Variants in RPA3 observed in about 807,000 individuals in gnomAD.
RPA3 encodes the protein replication protein A 14 kDa subunit.
In RPA3, 24 loss-of-function variants were observed where a neutral mutation model predicts 13.7. That is an observed-to-expected ratio of 1.75 (90% CI 1.27 to 2.46). The LOEUF is 2.46. Ranked by LOEUF, RPA3 falls within the 30% of genes most tolerant of loss-of-function variation. The pLI, the probability that RPA3 is intolerant of heterozygous loss-of-function variation, is 0.00. For missense variants in RPA3, 183 were observed against 151.0 expected, an observed-to-expected ratio of 1.21 and a Z score of -1.11; for synonymous variants, 59 against 51.2, an observed-to-expected ratio of 1.15 and a Z score of -0.65.
chr7:7,704,194 A>G (rs1337891154), intron 2 of RPA3, among the ~76,000 whole-genome samples: 2 of 152,164 alleles, frequency 1.3e-5, no homozygotes, highest in Non-Finnish European at 2.9e-5. Flanking sequence ...GCTAGAAATT[A>G]AGGATATTTG....
intron 2 of RPA3, among the ~76,000 whole-genome samples, chr7:7,698,340 T>C (rs1406430432): frequency 6.6e-6 from 1 of 152,222 alleles, no homozygotes; most frequent in East Asian, 1.9e-4. Flanking sequence ...ATAAGGTTTA[T>C]ATAATGGTGC....
chr7:7,714,896 C>T (rs1226967812), intron 2 of RPA3, among the ~76,000 whole-genome samples: 5 of 145,682 alleles, frequency 3.4e-5, no homozygotes, highest in African/African-American at 1.3e-4. Flanking sequence ...ACTTGCAGAC[C>T]TGTTGTACCA....
chr7:7,684,703 G>A (rs945155636), intron 4 of RPA3, among the ~76,000 whole-genome samples: 2 of 152,124 alleles, frequency 1.3e-5, no homozygotes, highest in Non-Finnish European at 2.9e-5. Flanking sequence ...GACTCTTTCT[G>A]GCTTTAGCCA....
intron 4 of RPA3, among the ~76,000 whole-genome samples, chr7:7,678,581 T>TATATATTTATATACTTAATTTATAGATAA (rs1450814728): frequency 3.7e-5 from 5 of 136,596 alleles, no homozygotes; most frequent in African/African-American, 1.1e-4. Flanking sequence ...TATAGATAAA[T>TATATATTTATATACTTAATTTATAGATAA]ATATATTTAT....
chr7:7,648,195 T>G (rs1859604), intron 4 of RPA3, among the ~76,000 whole-genome samples: 101,234 of 151,990 alleles, frequency 0.67, 34,195 homozygotes, highest in East Asian at 0.88. Flanking sequence ...CCATTAGGAC[T>G]TAATTGCCTA....
chr7:7,659,133 G>A (rs1000615153), intron 4 of RPA3, among the ~76,000 whole-genome samples: 29 of 152,178 alleles, frequency 1.9e-4, no homozygotes, highest in Non-Finnish European at 7.3e-5. Flanking sequence ...TTGTATTGCT[G>A]TGGGATCAAT....
At chr7:7,699,151 G>T (rs1780394544) in intron 2 of RPA3, among the ~76,000 whole-genome samples, 1 of 151,960 alleles carries the variant, frequency 6.6e-6, no homozygotes, top group Admixed American at 6.6e-5. Flanking sequence ...ACCGTGCCTG[G>T]CTGGGTTCCC....
chr7:7,640,809 G>C lies in RPA3; in HGVS notation c.-391C>G, dbSNP rs1004363770. 1 of 205,712 alleles carries C rather than the reference G, an allele frequency of 4.9e-6. No homozygotes were observed. The highest frequency in any genetic ancestry group is 6.4e-5 in the South Asian group (1 of 15,738). The allele number at this position is 205,712 out of a possible 1,614,324, so 12.7% of individuals were successfully genotyped here. ...GGTGCTGGTGCGGCGGGGGACTGCG[G>C]GGCCAGCCTCAGGTACCTCGTCTCG... On this transcript the variant is annotated 5_prime_UTR_variant, in exon 5 of 8. Transcript: ENST00000223129.
At chr7:7,655,618 A>G (rs114558574) in intron 4 of RPA3, among the ~76,000 whole-genome samples, 2,291 of 152,308 alleles carry the variant, frequency 0.015, 52 homozygotes, top group African/African-American at 0.053. Context: ...GAAAGCATCT[A>G]TAAGGTTATA....
chr7:7,697,935 G>C (rs1275437108), intron 2 of RPA3, among the ~76,000 whole-genome samples: 1 of 152,122 alleles, frequency 6.6e-6, no homozygotes, highest in East Asian at 1.9e-4. Flanking sequence ...ACCTTCATGA[G>C]GGCTGTGAAA....
chr7:7,651,503 C>T (rs1361943050), intron 4 of RPA3, among the ~76,000 whole-genome samples: 1 of 152,198 alleles, frequency 6.6e-6, no homozygotes, highest in East Asian at 1.9e-4. Context: ...ATTTTCCTGC[C>T]TCCTGTCCAT....
chr7:7,705,100 G>C (rs1780565960), intron 2 of RPA3, among the ~76,000 whole-genome samples: 1 of 152,156 alleles, frequency 6.6e-6, no homozygotes, highest in South Asian at 2.1e-4. Flanking sequence ...GGGAGCTCCT[G>C]TTCTGACATG....
intron 4 of RPA3, among the ~76,000 whole-genome samples, chr7:7,644,271 A>C (rs1785045166): frequency 6.7e-6 from 1 of 148,492 alleles, no homozygotes; most frequent in Non-Finnish European, 1.5e-5. Context: ...GACTTTTAAG[A>C]GCTTTTTATT....
At chr7:7,707,422 G>T (rs1436304555) in intron 2 of RPA3, among the ~76,000 whole-genome samples, 2 of 152,162 alleles carry the variant, frequency 1.3e-5, no homozygotes, top group African/African-American at 2.4e-5. Flanking sequence ...AGCACCATCA[G>T]CAATGTTACC....
intron 4 of RPA3, among the ~76,000 whole-genome samples, chr7:7,652,058 G>A (rs1785234195): frequency 6.6e-6 from 1 of 152,166 alleles, no homozygotes; most frequent in African/African-American, 2.4e-5. Flanking sequence ...AGTCCTGTAA[G>A]ACTTTGGGGT....
intron 2 of RPA3, among the ~76,000 whole-genome samples, chr7:7,698,397 G>T (rs1306431400): frequency 1.3e-5 from 2 of 152,182 alleles, no homozygotes; most frequent in African/African-American, 2.4e-5. Context: ...ACTGGTAGAA[G>T]TTTTGATTGA....
chr7:7,639,258 T>C (rs1335753336), intron 5 of RPA3, 114 bp from the exon 6 acceptor site: 36 of 670,434 alleles, frequency 5.4e-5, no homozygotes, highest in East Asian at 1.7e-4. Flanking sequence ...AACAGTTTAT[T>C]CATTCAGTTT....
intron 4 of RPA3, among the ~76,000 whole-genome samples, chr7:7,642,107 A>G (rs1433872008): frequency 1.3e-5 from 2 of 152,196 alleles, no homozygotes; most frequent in Admixed American, 6.5e-5. Context: ...TGTGCATTAT[A>G]TAGGGGAGAG....
chr7:7,694,347 GT>G lies in RPA3; in HGVS notation c.-1027-7020del, dbSNP rs1780254667. Among the ~76,000 whole-genome samples, 5 of 152,126 alleles carry G rather than the reference GT, an allele frequency of 3.3e-5. No individual in the cohort carries two copies. The South Asian group carries it at 1.0e-3, about 32-fold the overall frequency. On this transcript the variant is annotated intron_variant, in intron 2 of 7. Coordinates refer to ENST00000223129, the MANE Select transcript of RPA3 (RefSeq NM_002947.5). ...TCAGGGTAAATGGGATATCCATCAC[GT>G]CAAGCATTTATCATTTTTTTGTGAT... is the stretch of plus-strand genomic sequence containing the variant.
Sources: gnomAD v4.1 joint callset for allele counts (sites outside exome capture counted in the v4.1 genomes callset) on GRCh38, gnomAD v4.1.1 for gene constraint, MANE v1.5 for transcripts, NCBI Gene and HGNC (gene_info 2026-07-23, HGNC 2026-07-21) for gene names.